The following NUMB variants were observed in gnomAD, a reference collection of about 807,000 sequenced individuals.
The protein encoded by NUMB is NUMB endocytic adaptor protein.
Under a neutral mutation model 59.7 loss-of-function variants are expected in NUMB, and 29 were observed. The ratio of observed to expected loss-of-function variants is 0.49; its 90% CI spans 0.36 to 0.66. The LOEUF is 0.66. NUMB is among the 30% of genes least tolerant of loss of function. The pLI is 0.00. For missense variants in NUMB, 723 were observed against 822.0 expected (o/e 0.88, Z 1.47); for synonymous variants, 288 against 288.2 (o/e 1.00, Z 0.01).
intron 2 of NUMB, among the ~76,000 whole-genome samples, chr14:73,381,147 CT>C (rs1895219492): frequency 6.6e-6 from 1 of 152,136 alleles, no homozygotes; most frequent in Non-Finnish European, 1.5e-5. Flanking sequence ...ACAACTAATA[CT>C]TAAACTCAGG....
At chr14:73,338,696 T>G (rs529547482) in intron 4 of NUMB, among the ~76,000 whole-genome samples, 1 of 152,180 alleles carries the variant, frequency 6.6e-6, no homozygotes, top group African/African-American at 2.4e-5. Flanking sequence ...CAATGGGGAG[T>G]GTTTAGAAAA....
intron 2 of NUMB, among the ~76,000 whole-genome samples, chr14:73,406,099 T>A (rs200017267): frequency 1.1e-5 from 1 of 93,442 alleles, no homozygotes; most frequent in African/African-American, 3.2e-5. Context: ...TTTGTTTTTT[T>A]TTTTTTTTAT....
chr14:73,290,581 C>T (rs1170330102), intron 8 of NUMB, among the ~76,000 whole-genome samples: 1 of 152,204 alleles, frequency 6.6e-6, no homozygotes, highest in Non-Finnish European at 1.5e-5. Flanking sequence ...TAGACCATGG[C>T]CACTACTTAT....
chr14:73,319,930 G>A (rs957824358), intron 5 of NUMB, among the ~76,000 whole-genome samples: 3 of 152,092 alleles, frequency 2.0e-5, no homozygotes, highest in African/African-American at 7.2e-5. Context: ...ATGAATTCAA[G>A]ACCACCCTGG....
chr14:73,394,251 T>C (rs2140103574), intron 2 of NUMB, among the ~76,000 whole-genome samples: 1 of 152,272 alleles, frequency 6.6e-6, no homozygotes, highest in East Asian at 1.9e-4. Flanking sequence ...GGGAGACAAA[T>C]AAAAATTATG....
At position 73,380,099 on chromosome 14, in the gene NUMB, T is replaced by G. The variant is rs140139963; in HGVS notation, c.-100-13118A>C. ...AGGTATGTCAGGGAGATGGTCCACT[T>G]CCTGTTTGCGCCCCCAGCTCCAGGA... is the stretch of plus-strand genomic sequence containing the variant. On this transcript the variant is annotated intron_variant, in intron 2 of 12. Transcript: ENST00000555238. 3.6e-3 allele frequency among the ~76,000 whole-genome samples: 544 copies of G among 152,284 alleles called. 2 individuals are homozygous for G. Among genetic ancestry groups the G allele is most frequent in the Non-Finnish European group, 6.1e-3 (416 of 68,020 alleles).
intron 6 of NUMB, among the ~76,000 whole-genome samples, chr14:73,302,254 T>C (rs1292018123): frequency 6.6e-6 from 1 of 152,130 alleles, no homozygotes; most frequent in Non-Finnish European, 1.5e-5. Context: ...TGTTCATACT[T>C]CTGGGTGTGG....
intron 2 of NUMB, among the ~76,000 whole-genome samples, chr14:73,370,162 G>A (rs1894590929): frequency 6.6e-6 from 1 of 152,024 alleles, no homozygotes; most frequent in Non-Finnish European, 1.5e-5. Context: ...ATTAGACCAT[G>A]AGGGCTCTGC....
chr14:73,388,509 C>CT (rs891348734), intron 2 of NUMB, among the ~76,000 whole-genome samples: 3 of 151,044 alleles, frequency 2.0e-5, no homozygotes, highest in Admixed American at 6.6e-5. Flanking sequence ...AAGTTGGTAT[C>CT]TTTTTTTTTC....
At chr14:73,285,940 C>T (rs1220282874) in intron 9 of NUMB, among the ~76,000 whole-genome samples, 1 of 148,456 alleles carries the variant, frequency 6.7e-6, no homozygotes, top group Admixed American at 6.7e-5. Context: ...AAAAAAAAAA[C>T]ACCGAAATCA....
In NUMB at chr14:73,291,317, G is replaced by C. The variant is rs146186749; in HGVS notation, c.450+1417C>G. Among the ~76,000 whole-genome samples the C allele has an allele frequency of 4.1e-4, 62 of 152,198 alleles. 1 individual carries two copies. Among genetic ancestry groups the C allele is most frequent in the African/African-American group, 1.4e-3 (60 of 41,528 alleles). On this transcript the variant is annotated intron_variant, in intron 8 of 12. Coordinates refer to ENST00000555238, the MANE Select transcript of NUMB (RefSeq NM_001005743.2). ...GCTGGTCTCCAACTCCTGACCTCAAGTGATCTGCCCACCTCAACCTCCCAA... is the reference window on the plus strand; with the variant it reads ...GCTGGTCTCCAACTCCTGACCTCAACTGATCTGCCCACCTCAACCTCCCAA...
intron 4 of NUMB, among the ~76,000 whole-genome samples, chr14:73,351,569 T>C (rs145150957): frequency 1.6e-4 from 24 of 152,034 alleles, no homozygotes; most frequent in African/African-American, 5.5e-4. Flanking sequence ...CATTCTTGCT[T>C]AAAAAAAACT....
chr14:73,403,911 G>A (rs1408158038), intron 2 of NUMB, among the ~76,000 whole-genome samples: 1 of 151,876 alleles, frequency 6.6e-6, no homozygotes, highest in Non-Finnish European at 1.5e-5. Context: ...TGGCCAATAT[G>A]CTGAAACCCC....
chr14:73,404,105 G>A (rs1233836169), intron 2 of NUMB, among the ~76,000 whole-genome samples: 1 of 151,428 alleles, frequency 6.6e-6, no homozygotes, highest in African/African-American at 2.4e-5. Flanking sequence ...AGCGAGGCAT[G>A]GTGGCGCATG....
intron 2 of NUMB, among the ~76,000 whole-genome samples, chr14:73,376,111 C>T (rs910719269): frequency 4.6e-5 from 7 of 152,112 alleles, no homozygotes; most frequent in African/African-American, 1.2e-4. Flanking sequence ...AGAAAGAAAA[C>T]TGTTTTTGTT....
At chr14:73,325,287 G>A (rs895451361) in intron 4 of NUMB, among the ~76,000 whole-genome samples, 1 of 152,072 alleles carries the variant, frequency 6.6e-6, no homozygotes, top group Non-Finnish European at 1.5e-5. Flanking sequence ...GGACAACATA[G>A]TGAGACCCTG....
intron 1 of NUMB, among the ~76,000 whole-genome samples, chr14:73,430,758 G>A (rs562695664): frequency 3.9e-5 from 6 of 151,910 alleles, no homozygotes; most frequent in African/African-American, 1.2e-4. Flanking sequence ...TGGCTAACAC[G>A]GTGAAACCCC....
chr14:73,372,549 A>C (rs1220061693), intron 2 of NUMB, among the ~76,000 whole-genome samples: 1 of 150,474 alleles, frequency 6.6e-6, no homozygotes, highest in Admixed American at 6.6e-5. Context: ...CACAACTTCC[A>C]ATTCAAATCC....
chr14:73,326,916 A>G (rs1439879778), intron 4 of NUMB, among the ~76,000 whole-genome samples: 1 of 150,774 alleles, frequency 6.6e-6, no homozygotes, highest in Non-Finnish European at 1.5e-5. Context: ...AAACTTTCCC[A>G]AAGTCATACA....
Sources: allele counts gnomAD v4.1 joint callset (sites outside exome capture counted in the v4.1 genomes callset), GRCh38; gene constraint gnomAD v4.1.1; transcripts MANE v1.5; gene names NCBI Gene and HGNC (gene_info 2026-07-23, HGNC 2026-07-21).